Variants in LRP2 observed in about 807,000 individuals in gnomAD.
LRP2 encodes the protein low-density lipoprotein receptor-related protein 2.
A neutral mutation model predicts 531.0 loss-of-function variants in LRP2; 172 were observed. The observed-to-expected ratio is 0.32, with a 90% confidence interval of 0.29 to 0.37. LRP2 has a LOEUF of 0.37. Among genes scored for constraint, LRP2 ranks in the 10% least tolerant of loss-of-function variants. LRP2 has a pLI of 1.00. For synonymous variants in LRP2, 1,992 were observed against 2,027.6 expected (o/e 0.98, Z 0.47); for missense variants, 5,167 against 5,868.3 (o/e 0.88, Z 3.90).
intron 1 of LRP2, among the ~76,000 whole-genome samples, chr2:169,337,058 C>T (rs1559081919): frequency 2.0e-5 from 3 of 152,200 alleles, no homozygotes; most frequent in African/African-American, 7.2e-5. Flanking sequence ...TCCCCCACCG[C>T]TGTCTAAAAA....
chr2:169,192,120 A>G, intron 47 of LRP2, 87 bp from the exon 48 acceptor site: 2 of 975,992 alleles, frequency 2.0e-6, no homozygotes, highest in Non-Finnish European at 3.1e-6. Flanking sequence ...TTACCATTCT[A>G]AGTATGAAAG....
At chr2:169,307,724 A>C (rs1296968552) in intron 3 of LRP2, among the ~76,000 whole-genome samples, 1 of 152,214 alleles carries the variant, frequency 6.6e-6, no homozygotes, top group African/African-American at 2.4e-5. Context: ...AAGGACCCCC[A>C]ACCCACCCAT....
chr2:169,224,105 G>A (rs549683158), intron 33 of LRP2, among the ~76,000 whole-genome samples: 1 of 152,314 alleles, frequency 6.6e-6, no homozygotes, highest in African/African-American at 2.4e-5. Context: ...AGTCTACAGA[G>A]AGTGCTTTTT....
chr2:169,291,803 A>G (rs1031219035), intron 7 of LRP2, among the ~76,000 whole-genome samples: 1 of 152,174 alleles, frequency 6.6e-6, no homozygotes, highest in Non-Finnish European at 1.5e-5. Flanking sequence ...CAAAACCAAA[A>G]CAAAAAAATA....
chr2:169,333,048 G>T (rs1401171969), intron 1 of LRP2, among the ~76,000 whole-genome samples: 3 of 152,136 alleles, frequency 2.0e-5, no homozygotes, highest in African/African-American at 7.2e-5. Flanking sequence ...AGTGCCAAAA[G>T]ATTTCCAACA....
At chr2:169,159,080 A>G (rs1268102116) in intron 63 of LRP2, among the ~76,000 whole-genome samples, 1 of 152,054 alleles carries the variant, frequency 6.6e-6, no homozygotes, top group Non-Finnish European at 1.5e-5. Context: ...CTATCCCCAA[A>G]CCTAGGTCTT....
chr2:169,141,455 C>T (rs900097090), intron 71 of LRP2, among the ~76,000 whole-genome samples: 6 of 152,192 alleles, frequency 3.9e-5, no homozygotes, highest in Non-Finnish European at 8.8e-5. Flanking sequence ...CCTCTGTTAC[C>T]TCCAGCACTT....
At chr2:169,170,419 T>G in intron 59 of LRP2, 132 bp downstream of exon 59, 1 of 774,106 alleles carries the variant, frequency 1.3e-6, no homozygotes, top group South Asian at 1.4e-5. Flanking sequence ...GAAGATACTG[T>G]GTTATGCTAA....
At chr2:169,167,981 G>C (rs149416617) in intron 61 of LRP2, among the ~76,000 whole-genome samples, 1 of 118,218 alleles carries the variant, frequency 8.5e-6, no homozygotes, top group African/African-American at 3.1e-5. Flanking sequence ...CTACTGACAT[G>C]TACCTGAATT....
rs533269402 is a variant in LRP2 at position 169,264,200 on chromosome 2, T to A, written c.2321-4983A>T. Among the ~76,000 whole-genome samples, 89 of 152,102 alleles carry A rather than the reference T, an allele frequency of 5.9e-4. 1 individual carries two copies. In the South Asian group the frequency reaches 0.018, roughly 30 times the overall value. Reference sequence around the variant, plus strand: ...CATGGCACATGTATACATATGTAACTAACCTGCACATTGTACACATGTACC... The same window carrying A: ...CATGGCACATGTATACATATGTAACAAACCTGCACATTGTACACATGTACC... On this transcript the variant is annotated intron_variant, in intron 16 of 78. Coordinates refer to ENST00000649046, the MANE Select transcript of LRP2 (RefSeq NM_004525.3).
At chr2:169,214,600 G>T (rs1360512090) in intron 35 of LRP2, among the ~76,000 whole-genome samples, 1 of 152,196 alleles carries the variant, frequency 6.6e-6, no homozygotes, top group Admixed American at 6.5e-5. Flanking sequence ...TACAAGAGTG[G>T]TTATGCTGAT....
chr2:169,299,378 T>C (rs1349855754), intron 4 of LRP2, among the ~76,000 whole-genome samples: 1 of 152,060 alleles, frequency 6.6e-6, no homozygotes, highest in African/African-American at 2.4e-5. Context: ...GATTCCTTGC[T>C]GGTCTCTATC....
At chr2:169,327,400 C>G (rs1259812704) in intron 1 of LRP2, among the ~76,000 whole-genome samples, 1 of 127,352 alleles carries the variant, frequency 7.9e-6, no homozygotes, top group Non-Finnish European at 1.7e-5. Flanking sequence ...GTGAGGAGCC[C>G]CTCTGCCGGG....
At chr2:169,214,918 T>G (rs1026568449) in intron 35 of LRP2, among the ~76,000 whole-genome samples, 13 of 152,114 alleles carry the variant, frequency 8.5e-5, no homozygotes, top group Admixed American at 3.3e-4. Flanking sequence ...AGGCTGAGGA[T>G]GGATTGCAGC....
chr2:169,175,498 C>A (rs918056717), intron 54 of LRP2, 109 bp from the exon 55 acceptor site: 2 of 985,356 alleles, frequency 2.0e-6, no homozygotes, highest in African/African-American at 1.6e-5. Context: ...TGAGCTCTCT[C>A]GTGGCCCTAG....
intron 45 of LRP2, among the ~76,000 whole-genome samples, chr2:169,197,726 G>T (rs1324291243): frequency 1.3e-5 from 2 of 152,234 alleles, no homozygotes. Flanking sequence ...GACAATGGAA[G>T]CAGAGGTCCC....
At chr2:169,162,966 C>T (rs1158354880) in intron 62 of LRP2, among the ~76,000 whole-genome samples, 1 of 152,236 alleles carries the variant, frequency 6.6e-6, no homozygotes. Flanking sequence ...TGTTACACCC[C>T]TGAGATTTCA....
intron 25 of LRP2, 68 bp from the exon 26 acceptor site, chr2:169,239,843 T>C (rs1185549097): frequency 7.2e-7 from 1 of 1,388,970 alleles, no homozygotes; most frequent in Admixed American, 1.7e-5. Context: ...TTCACTCTTA[T>C]GCAATATTTA....
At chr2:169,137,908 A>T (rs973463126) in intron 75 of LRP2, among the ~76,000 whole-genome samples, 1 of 152,118 alleles carries the variant, frequency 6.6e-6, no homozygotes, top group Admixed American at 6.5e-5. Flanking sequence ...GGGAAGGAAA[A>T]CAATGAAAGA....
Sources: gnomAD v4.1 joint callset for allele counts (sites outside exome capture counted in the v4.1 genomes callset) on GRCh38, gnomAD v4.1.1 for gene constraint, MANE v1.5 for transcripts, NCBI Gene and HGNC (gene_info 2026-07-23, HGNC 2026-07-21) for gene names.